Variants in CCDC30 observed in about 807,000 individuals in gnomAD.
CCDC30 encodes coiled-coil domain-containing protein 30.
Under a neutral mutation model 100.2 loss-of-function variants are expected in CCDC30, and 70 were observed. The observed-to-expected ratio is 0.70, with a 90% CI of 0.58 to 0.85. The LOEUF (loss-of-function observed/expected upper bound fraction) is 0.85, where lower values mean the gene tolerates loss of function less well. Among genes scored for constraint, CCDC30 ranks in the 40% least tolerant of loss-of-function variants. CCDC30 has a pLI of 0.00. For synonymous variants in CCDC30, 233 were observed against 269.5 expected (o/e 0.86, Z 1.33); for missense variants, 652 against 771.2 (o/e 0.85, Z 1.83).
At chr1:42,470,028 G>A (rs554395138) in intron 1 of CCDC30, among the ~76,000 whole-genome samples, 1 of 152,262 alleles carries the variant, frequency 6.6e-6, no homozygotes, top group East Asian at 1.9e-4. Flanking sequence ...ACCTAAAATA[G>A]GTGGATAATA....
In CCDC30 at chr1:42,636,965, C is replaced by CAAAAAAAAAAA. The variant is rs1166253995; in HGVS notation, c.1278-255_1278-245dup. On this transcript the variant is annotated intron_variant, in intron 11 of 16. Coordinates refer to ENST00000668663, the Ensembl canonical transcript of CCDC30. ...TGGGCGACAGAGCAAGACTCCATCT[C>CAAAAAAAAAAA]AAAAAAAAAAAAAAAAAAAAAAAAA... Among the ~76,000 whole-genome samples, 9 of 29,518 alleles carry CAAAAAAAAAAA rather than the reference C, an allele frequency of 3.0e-4. 1 individual carries two copies. Among genetic ancestry groups the CAAAAAAAAAAA allele is most frequent in the Admixed American group, 6.9e-4 (1 of 1,444 alleles). The allele number at this position is 29,518 out of a possible 152,430, so 19.4% of individuals were successfully genotyped here.
chr1:42,550,748 C>A (rs893920250), intron 6 of CCDC30, among the ~76,000 whole-genome samples: 2 of 152,154 alleles, frequency 1.3e-5, no homozygotes, highest in Non-Finnish European at 2.9e-5. Context: ...TCTTGTCCTC[C>A]TCTAGATGTA....
At chr1:42,456,271 C>T in the CCDC30 span, 1 of 598,460 alleles carries the variant, frequency 1.7e-6, no homozygotes. Flanking sequence ...GTACAGTGGC[C>T]GGTAAGGGTC....
intron 11 of CCDC30, among the ~76,000 whole-genome samples, chr1:42,611,531 G>A (rs1646623984): frequency 6.7e-6 from 1 of 150,106 alleles, no homozygotes; most frequent in South Asian, 2.1e-4. Flanking sequence ...TACATATATG[G>A]TACTTATATA....
chr1:42,611,822 A>T (rs1389680713), intron 11 of CCDC30, among the ~76,000 whole-genome samples: 5 of 152,266 alleles, frequency 3.3e-5, no homozygotes, highest in Non-Finnish European at 5.9e-5. Context: ...GACTGCAGTC[A>T]TGTACAGGCT....
At chr1:42,456,452 A>C in the CCDC30 span, 1 of 1,132,806 alleles carries the variant, frequency 8.8e-7, no homozygotes. Flanking sequence ...TAGTGTCAAA[A>C]GAAGGGTAGT....
chr1:42,648,257 A>G lies in CCDC30; in HGVS notation c.1854+1940A>G, dbSNP rs181224155. ...GCCTGGCCTTAAGAGGGAAGTTTAT[A>G]ACAACAAACACCTATATCAAAAAAG... On this transcript the variant is annotated intron_variant, in intron 15 of 16. Transcript: ENST00000668663. Among the ~76,000 whole-genome samples the G allele has an allele frequency of 5.3e-4, 81 of 152,266 alleles. No individual in the cohort carries two copies. In the East Asian group the frequency reaches 0.013, roughly 25 times the overall value.
chr1:42,634,127 C>G (rs1339146032), intron 11 of CCDC30, among the ~76,000 whole-genome samples: 1 of 151,844 alleles, frequency 6.6e-6, no homozygotes, highest in South Asian at 2.1e-4. Context: ...GATAAGATTT[C>G]GGTGAGGAGA....
chr1:42,551,603 A>C (rs1344116177), intron 6 of CCDC30, among the ~76,000 whole-genome samples: 1 of 152,144 alleles, frequency 6.6e-6, no homozygotes, highest in Non-Finnish European at 1.5e-5. Context: ...CTTTAATGCA[A>C]TACATAATAT....
chr1:42,473,211 G>A (rs1042858876), intron 1 of CCDC30: 15 of 1,231,274 alleles, frequency 1.2e-5, no homozygotes, highest in Non-Finnish European at 1.5e-5. Flanking sequence ...TCTGTTTGGT[G>A]CTTATTCCAG....
At chr1:42,502,712 G>A (rs2148481606) in intron 6 of CCDC30, among the ~76,000 whole-genome samples, 1 of 152,090 alleles carries the variant, frequency 6.6e-6, no homozygotes, top group South Asian at 2.1e-4. Flanking sequence ...CCTCCCCCCA[G>A]CCTCTGGCAA....
intron 4 of CCDC30, among the ~76,000 whole-genome samples, chr1:42,493,022 G>A (rs1374706348): frequency 6.6e-6 from 1 of 152,028 alleles, no homozygotes; most frequent in Non-Finnish European, 1.5e-5. Context: ...TTGAATTTAA[G>A]AAAATGAAAA....
chr1:42,478,794 C>T (rs182755411), intron 1 of CCDC30, among the ~76,000 whole-genome samples: 16 of 151,886 alleles, frequency 1.1e-4, no homozygotes, highest in Admixed American at 7.9e-4. Context: ...AACCAAACTG[C>T]GCCCCCCCAA....
chr1:42,598,213 A>G (rs1646331382), intron 10 of CCDC30, among the ~76,000 whole-genome samples: 1 of 150,138 alleles, frequency 6.7e-6, no homozygotes, highest in Non-Finnish European at 1.5e-5. Flanking sequence ...ACCTTGCAAA[A>G]TTATCCTTCA....
At chr1:42,487,908 A>T (rs1489085775) in intron 3 of CCDC30, among the ~76,000 whole-genome samples, 3 of 152,216 alleles carry the variant, frequency 2.0e-5, no homozygotes, top group African/African-American at 7.2e-5. Flanking sequence ...ACCCCGGCAC[A>T]CCATGCCCGG....
At chr1:42,600,807 T>TGC (rs1553121283) in intron 10 of CCDC30, among the ~76,000 whole-genome samples, 1 of 124,628 alleles carries the variant, frequency 8.0e-6, no homozygotes, top group East Asian at 2.1e-4. Flanking sequence ...TTTCCCCCTG[T>TGC]GCTCTCTCTC....
chr1:42,638,470 T>C (rs577621070), intron 12 of CCDC30, among the ~76,000 whole-genome samples: 1 of 151,914 alleles, frequency 6.6e-6, no homozygotes, highest in Admixed American at 6.6e-5. Context: ...TTTCAAACTT[T>C]TAGAGACTGA....
chr1:42,607,281 G>A (rs1290753597), intron 10 of CCDC30, among the ~76,000 whole-genome samples: 1 of 152,056 alleles, frequency 6.6e-6, no homozygotes, highest in Non-Finnish European at 1.5e-5. Context: ...GCAAAAGATG[G>A]TTTGTTAATT....
In CCDC30 at chr1:42,486,467, A is replaced by G. The variant is rs147310473; in HGVS notation, c.169+3651A>G. 5.2e-3 allele frequency among the ~76,000 whole-genome samples: 792 copies of G among 152,234 alleles called. 8 individuals are homozygous for G. Among genetic ancestry groups the G allele is most frequent in the African/African-American group, 0.018 (765 of 41,546 alleles). On this transcript the variant is annotated intron_variant, in intron 3 of 16. Coordinates refer to ENST00000668663, the Ensembl canonical transcript of CCDC30. ...CATGCAGAACACCTGCTTTCCTTTA[A>G]GAGTCTTGGTATATGCTAGGCAGAA... is the stretch of plus-strand genomic sequence containing the variant.
Sources: gnomAD v4.1 joint callset for allele counts (sites outside exome capture counted in the v4.1 genomes callset) on GRCh38, gnomAD v4.1.1 for gene constraint, MANE v1.5 for transcripts, NCBI Gene and HGNC (gene_info 2026-07-23, HGNC 2026-07-21) for gene names.